Variants in FSIP1 observed in about 807,000 individuals in gnomAD.
FSIP1 encodes the protein fibrous sheath interacting protein 1, also known as fibrous sheath-interacting protein 1.
A neutral mutation model predicts 60.9 loss-of-function variants in FSIP1; 65 were observed. The ratio of observed to expected loss-of-function variants is 1.07; its 90% CI spans 0.87 to 1.31. The LOEUF (loss-of-function observed/expected upper bound fraction) is 1.31, where lower values mean the gene tolerates loss of function less well. Among genes scored for constraint, FSIP1 ranks in the 40% most tolerant of loss-of-function variants. The pLI, the probability that FSIP1 is intolerant of heterozygous loss-of-function variation, is 0.00. For synonymous variants in FSIP1, 209 were observed against 221.2 expected (o/e 0.94, Z 0.49); for missense variants, 675 against 665.5 (o/e 1.01, Z -0.16).
chr15:39,644,236 C>T (rs763370033), intron 10 of FSIP1, among the ~76,000 whole-genome samples: 2 of 152,172 alleles, frequency 1.3e-5, no homozygotes, highest in Non-Finnish European at 2.9e-5. Context: ...GCGACTGTCC[C>T]GAACACTTCC....
At chr15:39,727,065 G>A (rs1010836747) in intron 8 of FSIP1, among the ~76,000 whole-genome samples, 1 of 152,154 alleles carries the variant, frequency 6.6e-6, no homozygotes, top group Non-Finnish European at 1.5e-5. Context: ...AAAATGTTTT[G>A]TGACATGTTA....
intron 10 of FSIP1, among the ~76,000 whole-genome samples, chr15:39,663,502 G>A (rs1274874657): frequency 2.0e-5 from 3 of 152,164 alleles, no homozygotes; most frequent in Non-Finnish European, 4.4e-5. Context: ...TGGAGTAAAG[G>A]GAAGGTAATG....
rs1274319403 is a variant in FSIP1 at position 39,645,626 on chromosome 15, G to A, written c.1189-27381C>T. ...AGGCAGGAGCCGGGGACAAGCGGGA[G>A]CCCTGCCTCTTCCGAGTTGGCCAGG... On this transcript the variant is annotated intron_variant, in intron 10 of 11. Transcript: ENST00000350221. Among the ~76,000 whole-genome samples the A allele has an allele frequency of 2.0e-5, 3 of 152,212 alleles. No individual in the cohort carries two copies. In the East Asian group the frequency reaches 5.8e-4, roughly 29 times the overall value.
intron 9 of FSIP1, among the ~76,000 whole-genome samples, chr15:39,718,601 C>T (rs1410976091): frequency 6.6e-6 from 1 of 151,910 alleles, no homozygotes; most frequent in African/African-American, 2.4e-5. Context: ...AGCGATCCTC[C>T]CACCTCAGCC....
chr15:39,687,629 G>A (rs1436577575), intron 10 of FSIP1, among the ~76,000 whole-genome samples: 1 of 152,146 alleles, frequency 6.6e-6, no homozygotes, highest in Non-Finnish European at 1.5e-5. Context: ...CTGTCTACAT[G>A]AGGGCCTCCT....
At chr15:39,653,045 G>T (rs1478557104) in intron 10 of FSIP1, among the ~76,000 whole-genome samples, 1 of 151,900 alleles carries the variant, frequency 6.6e-6, no homozygotes, top group African/African-American at 2.4e-5. Flanking sequence ...GCGTGGTGGT[G>T]TGTGCCTGTA....
chr15:39,653,175 C>CAAAA (rs35671970), intron 10 of FSIP1, among the ~76,000 whole-genome samples: 11 of 116,634 alleles, frequency 9.4e-5, no homozygotes, highest in South Asian at 2.9e-4. Context: ...GACTTTGTCT[C>CAAAA]AAAAAAAAAA....
chr15:39,732,142 G>T lies in FSIP1; in HGVS notation c.892-5395C>A, dbSNP rs565548340. Among the ~76,000 whole-genome samples, 3 of 152,218 alleles carry T rather than the reference G, an allele frequency of 2.0e-5. No homozygotes were observed. In the East Asian group the frequency reaches 5.8e-4, roughly 29 times the overall value. On this transcript the variant is annotated intron_variant, in intron 8 of 11. Transcript: ENST00000350221. Reference sequence around the variant, plus strand: ...CCTCCCATGCACAGTTCACAACAGGGTTCGTGCTTCTGTGAGAATCTAATG... The same window carrying T: ...CCTCCCATGCACAGTTCACAACAGGTTTCGTGCTTCTGTGAGAATCTAATG...
intron 10 of FSIP1, among the ~76,000 whole-genome samples, chr15:39,710,832 T>G (rs1158512426): frequency 1.3e-5 from 2 of 152,256 alleles, no homozygotes. Flanking sequence ...GTTGCAATGA[T>G]TAAATACTTT....
chr15:39,776,421 G>C lies in FSIP1; in HGVS notation c.104C>G (p.Ser35Ter), dbSNP rs148913803. 1.9e-6 allele frequency: 3 copies of C among 1,613,858 alleles called. No homozygotes were observed. The highest frequency in any genetic ancestry group is 2.5e-6 in the Non-Finnish European group (3 of 1,179,864). ...RSSNASLEVL[S>*]TEPGSFKVDT... ...TACCTTGAAGGATCCTGGTTCTGTTGAGAGCACCTCCAAAGAAGCATTTGA... is the reference window on the plus strand; with the variant it reads ...TACCTTGAAGGATCCTGGTTCTGTTCAGAGCACCTCCAAAGAAGCATTTGA... Residue 35 changes from serine (S) to a stop codon, truncating the protein, a stop_gained, in exon 2 of 12, where the codon TCA (serine) becomes TGA (stop). Coordinates refer to ENST00000350221, the MANE Select transcript of FSIP1 (RefSeq NM_152597.5). LOFTEE classifies it high-confidence loss of function.
intron 3 of FSIP1, among the ~76,000 whole-genome samples, chr15:39,768,794 T>C (rs977972277): frequency 1.3e-5 from 2 of 152,262 alleles, no homozygotes; most frequent in African/African-American, 4.8e-5. Context: ...AAGTGAAACC[T>C]GTAATCAAAT....
intron 5 of FSIP1, among the ~76,000 whole-genome samples, chr15:39,761,033 A>T (rs1315009638): frequency 6.6e-6 from 1 of 152,122 alleles, no homozygotes; most frequent in Non-Finnish European, 1.5e-5. Flanking sequence ...CTATCATCTC[A>T]CTCCTGTCAG....
intron 10 of FSIP1, among the ~76,000 whole-genome samples, chr15:39,656,362 A>G (rs1893069892): frequency 1.3e-5 from 2 of 152,238 alleles, no homozygotes; most frequent in African/African-American, 4.8e-5. Context: ...TATAGCGCCA[A>G]TGAAAGTAAA....
intron 9 of FSIP1, among the ~76,000 whole-genome samples, chr15:39,718,259 C>T (rs1421454908): frequency 6.6e-6 from 1 of 151,570 alleles, no homozygotes; most frequent in African/African-American, 2.4e-5. Flanking sequence ...TATACACACA[C>T]ACACATATAT....
intron 11 of FSIP1, among the ~76,000 whole-genome samples, chr15:39,609,231 C>A (rs934660069): frequency 6.6e-6 from 1 of 152,226 alleles, no homozygotes. Flanking sequence ...ACCAGAGAAA[C>A]TGGCCAACAG....
At chr15:39,745,724 A>T (rs1192384865) in intron 5 of FSIP1, among the ~76,000 whole-genome samples, 1 of 152,200 alleles carries the variant, frequency 6.6e-6, no homozygotes, top group Non-Finnish European at 1.5e-5. Context: ...ACATGCAGAC[A>T]GGGGGAAGAC....
intron 5 of FSIP1, among the ~76,000 whole-genome samples, chr15:39,754,712 T>C (rs988097825): frequency 2.0e-5 from 3 of 150,994 alleles, no homozygotes; most frequent in Non-Finnish European, 3.0e-5. Flanking sequence ...AGAAAACATA[T>C]AAAAGAAGGA....
chr15:39,742,496 G>A (rs1041368771), intron 5 of FSIP1, among the ~76,000 whole-genome samples: 5 of 151,998 alleles, frequency 3.3e-5, no homozygotes, highest in African/African-American at 9.7e-5. Context: ...TAGCTAATTC[G>A]GACACTGTAT....
At chr15:39,768,124 G>T (rs1897754828) in intron 3 of FSIP1, among the ~76,000 whole-genome samples, 1 of 152,170 alleles carries the variant, frequency 6.6e-6, no homozygotes, top group Non-Finnish European at 1.5e-5. Flanking sequence ...CTGCTCATCT[G>T]CCTGCCCCCT....
Sources: allele counts gnomAD v4.1 joint callset (sites outside exome capture counted in the v4.1 genomes callset), GRCh38; gene constraint gnomAD v4.1.1; transcripts MANE v1.5; gene names NCBI Gene and HGNC (gene_info 2026-07-23, HGNC 2026-07-21).